Variants in ADCY2 observed in about 807,000 individuals in gnomAD.
ADCY2 encodes adenylate cyclase 2.
ADCY2 carries 31 observed loss-of-function variants against 125.2 expected under a neutral mutation model. The ratio of observed to expected loss-of-function variants is 0.25; its 90% CI spans 0.19 to 0.33. ADCY2 has a LOEUF of 0.33. Ranked by LOEUF, ADCY2 falls within the 10% of genes least tolerant of loss-of-function variation. ADCY2 has a pLI of 1.00. For missense variants in ADCY2, 904 were observed against 1,418.2 expected, an observed-to-expected ratio of 0.64 and a Z score of 5.82; for synonymous variants, 512 against 548.4, an observed-to-expected ratio of 0.93 and a Z score of 0.93.
chr5:7,642,184 T>C (rs890877259), intron 4 of ADCY2, among the ~76,000 whole-genome samples: 3 of 152,174 alleles, frequency 2.0e-5, no homozygotes, highest in Non-Finnish European at 4.4e-5. Context: ...TACCAGCATG[T>C]GTGTTTTTTT....
Position 7,520,759 on chromosome 5 carries a change from A to G in ADCY2, c.430A>G (p.Ile144Val). The change falls in exon 3 of 25, where the codon ATC (isoleucine) becomes GTC (valine). Residue 144 changes from isoleucine (I) to valine (V), a missense_variant. Coordinates refer to ENST00000338316, the MANE Select transcript of ADCY2 (RefSeq NM_020546.3). ...GTAGGTATCGTTCTTCCTCTTCATCATCTTCGTGGTGTACACCATGCTGCC... is the reference window on the plus strand; with the variant it reads ...GTAGGTATCGTTCTTCCTCTTCATCGTCTTCGTGGTGTACACCATGCTGCC... The part of the protein sequence containing the change: ...WDQVSFFLFI[I>V]FVVYTMLPFN... 6.2e-7 allele frequency: 1 copy of G among 1,614,014 alleles called. No individual in the cohort carries two copies. Among genetic ancestry groups the G allele is most frequent in the South Asian group, 1.1e-5 (1 of 91,062 alleles).
chr5:7,714,041 A>G (rs1194977780), intron 11 of ADCY2, among the ~76,000 whole-genome samples: 3 of 152,208 alleles, frequency 2.0e-5, no homozygotes, highest in Non-Finnish European at 2.9e-5. Flanking sequence ...AAAATTTGAC[A>G]TTTTAACATT....
intron 15 of ADCY2, among the ~76,000 whole-genome samples, chr5:7,748,489 A>G (rs1260028546): frequency 1.3e-5 from 2 of 150,930 alleles, no homozygotes; most frequent in Non-Finnish European, 2.9e-5. Flanking sequence ...ATTTCCAATT[A>G]TTTAAAATAA....
intron 3 of ADCY2, among the ~76,000 whole-genome samples, chr5:7,524,249 AC>A (rs1294852418): frequency 6.6e-6 from 1 of 152,236 alleles, no homozygotes; most frequent in African/African-American, 2.4e-5. Flanking sequence ...ACAATAACAG[AC>A]TTACCAATAA....
At chr5:7,747,368 A>C (rs1297761893) in intron 15 of ADCY2, among the ~76,000 whole-genome samples, 1 of 152,202 alleles carries the variant, frequency 6.6e-6, no homozygotes. Flanking sequence ...GAATATATAG[A>C]GTTCCTTGTA....
intron 3 of ADCY2, among the ~76,000 whole-genome samples, chr5:7,582,628 A>G (rs948464790): frequency 6.6e-6 from 1 of 152,092 alleles, no homozygotes; most frequent in African/African-American, 2.4e-5. Flanking sequence ...CAAAGGAGAA[A>G]CTCTATGTGA....
intron 3 of ADCY2, among the ~76,000 whole-genome samples, chr5:7,587,992 A>G (rs1461901891): frequency 1.3e-5 from 2 of 152,122 alleles, no homozygotes; most frequent in Non-Finnish European, 2.9e-5. Flanking sequence ...AAAAAGCTGT[A>G]AGTATTAGAG....
chr5:7,481,427 T>C (rs578203698), intron 2 of ADCY2, among the ~76,000 whole-genome samples: 7 of 151,986 alleles, frequency 4.6e-5, no homozygotes, highest in Non-Finnish European at 1.0e-4. Context: ...CCACCACGCC[T>C]GGCTAATTTT....
chr5:7,573,168 A>C (rs1273659290), intron 3 of ADCY2, among the ~76,000 whole-genome samples: 1 of 152,132 alleles, frequency 6.6e-6, no homozygotes, highest in Non-Finnish European at 1.5e-5. Context: ...TGAGAAAATA[A>C]ATTTTTGTGA....
chr5:7,795,671 AT>A, intron 20 of ADCY2: 1 of 152,382 alleles, frequency 6.6e-6, no homozygotes, highest in African/African-American at 2.4e-5. Flanking sequence ...TCTTCTGGAA[AT>A]AATACAGGAA....
intron 15 of ADCY2, among the ~76,000 whole-genome samples, chr5:7,752,754 G>C (rs897798252): frequency 1.3e-5 from 2 of 151,652 alleles, no homozygotes; most frequent in Non-Finnish European, 2.9e-5. Flanking sequence ...TGATATTTTT[G>C]GTGGAGCATG....
intron 1 of ADCY2, among the ~76,000 whole-genome samples, chr5:7,399,164 T>G (rs1373240610): frequency 6.6e-6 from 1 of 152,218 alleles, no homozygotes. Flanking sequence ...CTGCCTAAAA[T>G]CTTGGACAGA....
rs140489513 is a variant in ADCY2, at chr5:7,644,919, G to A, written c.720+18603G>A. On this transcript the variant is annotated intron_variant, in intron 4 of 24. Coordinates refer to ENST00000338316, the MANE Select transcript of ADCY2 (RefSeq NM_020546.3). ...GCACAGTTAGTCTCAGAACAAGGGCGAGTCTGTTAACACCCTAGTTAATAA... is the reference window on the plus strand; with the variant it reads ...GCACAGTTAGTCTCAGAACAAGGGCAAGTCTGTTAACACCCTAGTTAATAA... 3.0e-3 allele frequency among the ~76,000 whole-genome samples: 463 copies of A among 152,236 alleles called. 1 individual carries two copies. The highest frequency in any genetic ancestry group is 5.8e-3 in the Admixed American group (88 of 15,278).
chr5:7,768,395 T>C (rs990969757), intron 17 of ADCY2, among the ~76,000 whole-genome samples: 2 of 152,168 alleles, frequency 1.3e-5, no homozygotes, highest in Admixed American at 1.3e-4. Context: ...TCCTCCTTGA[T>C]CCAATGGCGT....
chr5:7,817,955 A>G (rs1745171143), intron 23 of ADCY2, among the ~76,000 whole-genome samples: 1 of 151,902 alleles, frequency 6.6e-6, no homozygotes, highest in Non-Finnish European at 1.5e-5. Context: ...GCCTTTTACA[A>G]ATTGTTGTTT....
In ADCY2 at chr5:7,491,006, T is replaced by G. The variant is rs144210644; in HGVS notation, c.409-29732T>G. ...ATTGCATTAAAAAATAACATGCTCC[T>G]TACAATTAAAATACTAGTAAGAAAA... On this transcript the variant is annotated intron_variant, in intron 2 of 24. Coordinates refer to ENST00000338316, the MANE Select transcript of ADCY2 (RefSeq NM_020546.3). Among the ~76,000 whole-genome samples, 23 of 152,284 alleles carry G rather than the reference T, an allele frequency of 1.5e-4. No individual in the cohort carries two copies. In the East Asian group the frequency reaches 4.3e-3, roughly 28 times the overall value.
At chr5:7,511,696 A>G (rs1385665881) in intron 2 of ADCY2, among the ~76,000 whole-genome samples, 2 of 152,128 alleles carry the variant, frequency 1.3e-5, no homozygotes, top group Non-Finnish European at 1.5e-5. Context: ...GAATGACAAG[A>G]AACAGCCAGC....
At position 7,603,498 on chromosome 5, in the gene ADCY2, A is replaced by ATT. The variant is rs575608566; in HGVS notation, c.571-22663_571-22662dup. The stretch of plus-strand genomic sequence containing the variant: ...GGTTGATAAATCACGTGGCTGCAGA[A>ATT]TTTTTTTCCCTTGAAATATATAGGT... On this transcript the variant is annotated intron_variant, in intron 3 of 24. Coordinates refer to ENST00000338316, the MANE Select transcript of ADCY2 (RefSeq NM_020546.3). Among the ~76,000 whole-genome samples, 12 of 152,270 alleles carry ATT rather than the reference A, an allele frequency of 7.9e-5. No homozygotes were observed. In the East Asian group the frequency reaches 2.3e-3, roughly 29 times the overall value.
At chr5:7,431,779 T>G (rs1227644506) in intron 2 of ADCY2, among the ~76,000 whole-genome samples, 1 of 152,130 alleles carries the variant, frequency 6.6e-6, no homozygotes, top group Non-Finnish European at 1.5e-5. Flanking sequence ...CAAAAAATAC[T>G]TTATCATGGA....
Sources: gnomAD v4.1 joint callset for allele counts (sites outside exome capture counted in the v4.1 genomes callset) on GRCh38, gnomAD v4.1.1 for gene constraint, MANE v1.5 for transcripts, NCBI Gene and HGNC (gene_info 2026-07-23, HGNC 2026-07-21) for gene names.